Variants in REEP1 observed in about 807,000 individuals in gnomAD.
REEP1 encodes receptor expression-enhancing protein 1.
In REEP1, 22 loss-of-function variants were observed where a neutral mutation model predicts 40.3. The ratio of observed to expected loss-of-function variants is 0.55; its 90% confidence interval spans 0.39 to 0.78. REEP1 has a LOEUF of 0.78. Among genes scored for constraint, REEP1 ranks in the 30% least tolerant of loss-of-function variants. REEP1 has a pLI of 0.00. For missense variants in REEP1, 280 were observed against 361.1 expected, an observed-to-expected ratio of 0.78 and a Z score of 1.82; for synonymous variants, 116 against 139.2, an observed-to-expected ratio of 0.83 and a Z score of 1.17.
At chr2:86,272,599 T>C (rs1677517493) in intron 2 of REEP1, among the ~76,000 whole-genome samples, 1 of 152,236 alleles carries the variant, frequency 6.6e-6, no homozygotes. Flanking sequence ...GACTAGACAC[T>C]GTCCCTAGGG....
intron 2 of REEP1, among the ~76,000 whole-genome samples, chr2:86,272,283 A>G (rs1490273472): frequency 1.3e-5 from 2 of 152,214 alleles, no homozygotes; most frequent in Non-Finnish European, 1.5e-5. Flanking sequence ...TTCTCCAGTG[A>G]GTCATCTATA....
At chr2:86,250,901 G>T (rs1232633472) in intron 5 of REEP1, among the ~76,000 whole-genome samples, 1 of 152,126 alleles carries the variant, frequency 6.6e-6, no homozygotes, top group African/African-American at 2.4e-5. Flanking sequence ...CTGGCTCTCA[G>T]CACCCTCCAT....
At chr2:86,313,534 G>A (rs1679859806) in intron 1 of REEP1, among the ~76,000 whole-genome samples, 1 of 152,134 alleles carries the variant, frequency 6.6e-6, no homozygotes, top group Admixed American at 6.5e-5. Flanking sequence ...CAGGGCAAGT[G>A]ACTCACCCAG....
chr2:86,223,617 C>G (rs967854547), intron 7 of REEP1: 1 of 152,396 alleles, frequency 6.6e-6, no homozygotes, highest in African/African-American at 2.4e-5. Flanking sequence ...CACAGACACA[C>G]TCACATACAC....
chr2:86,247,734 C>A (rs1358223821), intron 5 of REEP1, among the ~76,000 whole-genome samples: 2 of 151,970 alleles, frequency 1.3e-5, no homozygotes, highest in Non-Finnish European at 2.9e-5. Context: ...CCACACCAGG[C>A]TAATTTTTGT....
rs547799105 is a variant in REEP1, at chr2:86,336,230, C to T, written c.32+1249G>A. Among the ~76,000 whole-genome samples, 27 of 152,306 alleles carry T rather than the reference C, an allele frequency of 1.8e-4. No individual in the cohort carries two copies. The South Asian group carries it at 5.4e-3, about 30-fold the overall frequency. ...ACCTCAAGGTGCAGCGCAAACACCC[C>T]GCAGTCAGGAACAGCTGTGGAGAGG... On this transcript the variant is annotated intron_variant, in intron 1 of 8. Coordinates refer to ENST00000538924, the MANE Select transcript of REEP1 (RefSeq NM_001371279.1).
intron 5 of REEP1, chr2:86,251,352 C>T (rs1676260993): frequency 6.2e-6 from 1 of 160,560 alleles, no homozygotes; most frequent in Admixed American, 5.7e-5. Flanking sequence ...ACCACAACAT[C>T]CCACAGACTG....
chr2:86,296,398 C>T (rs1678984560), intron 1 of REEP1, among the ~76,000 whole-genome samples: 1 of 152,256 alleles, frequency 6.6e-6, no homozygotes, highest in Non-Finnish European at 1.5e-5. Context: ...AGAGCCAGAA[C>T]TAGAATGTGA....
At chr2:86,300,416 CT>C (rs1679206235) in intron 1 of REEP1, among the ~76,000 whole-genome samples, 1 of 152,124 alleles carries the variant, frequency 6.6e-6, no homozygotes, top group Non-Finnish European at 1.5e-5. Context: ...GGCATTGGTA[CT>C]GAGAAACTTG....
intron 3 of REEP1, among the ~76,000 whole-genome samples, chr2:86,261,828 G>A (rs533999133): frequency 6.6e-6 from 1 of 152,230 alleles, no homozygotes; most frequent in Non-Finnish European, 1.5e-5. Context: ...GGAATGTCTC[G>A]GTATAAAACC....
chr2:86,243,928 C>A (rs1465133571), intron 5 of REEP1, among the ~76,000 whole-genome samples: 1 of 152,116 alleles, frequency 6.6e-6, no homozygotes, highest in Non-Finnish European at 1.5e-5. Context: ...GAATCCTTAC[C>A]CTCTTTGATT....
chr2:86,261,828 G>C (rs533999133), intron 3 of REEP1, among the ~76,000 whole-genome samples: 29 of 152,230 alleles, frequency 1.9e-4, no homozygotes, highest in Admixed American at 1.9e-3. Flanking sequence ...GGAATGTCTC[G>C]GTATAAAACC....
At chr2:86,337,882 G>T (rs1427380806), upstream of REEP1, 2 of 913,732 alleles carry the variant, frequency 2.2e-6, no homozygotes, top group African/African-American at 1.7e-5. This position sits in a 1 kb window ranked among gnomAD's most constrained non-coding sequence, Gnocchi z 5.8. Context: ...GCAGGGCAGG[G>T]ACCCGGGTGC....
chr2:86,224,375 T>A (rs1449570233), intron 7 of REEP1, among the ~76,000 whole-genome samples: 1 of 152,086 alleles, frequency 6.6e-6, no homozygotes, highest in African/African-American at 2.4e-5. Context: ...AAGACAGACC[T>A]CCCCCAACAC....
chr2:86,266,604 C>T (rs188173904), intron 2 of REEP1, among the ~76,000 whole-genome samples: 33 of 149,562 alleles, frequency 2.2e-4, no homozygotes, highest in East Asian at 7.9e-4. Flanking sequence ...CCGGCCTGGG[C>T]GACAGAGCGA....
chr2:86,320,950 C>T (rs951199405), intron 1 of REEP1, among the ~76,000 whole-genome samples: 1 of 152,344 alleles, frequency 6.6e-6, no homozygotes, highest in South Asian at 2.1e-4. Context: ...TCCTGAGTAG[C>T]TGGGATTACA....
At chr2:86,231,434 A>C (rs565137817) in intron 6 of REEP1, among the ~76,000 whole-genome samples, 1 of 152,312 alleles carries the variant, frequency 6.6e-6, no homozygotes, top group South Asian at 2.1e-4. Flanking sequence ...CCTGAGCTGC[A>C]CTTGGCTCTG....
At chr2:86,223,260 G>A (rs1674519243) in intron 7 of REEP1, among the ~76,000 whole-genome samples, 1 of 152,176 alleles carries the variant, frequency 6.6e-6, no homozygotes, top group East Asian at 1.9e-4. Context: ...AGGGCTGCAG[G>A]CTCCACCTCT....
chr2:86,233,382 T>C (rs1028532381), intron 5 of REEP1, among the ~76,000 whole-genome samples: 1 of 152,196 alleles, frequency 6.6e-6, no homozygotes, highest in Non-Finnish European at 1.5e-5. Context: ...TGCTGGTGCA[T>C]TTCAGCTTCA....
Sources: allele counts gnomAD v4.1 joint callset (sites outside exome capture counted in the v4.1 genomes callset), GRCh38; gene constraint gnomAD v4.1.1; non-coding constraint Gnocchi (gnomAD v3.1); transcripts MANE v1.5; gene names NCBI Gene and HGNC (gene_info 2026-07-23, HGNC 2026-07-21).